SBF2: variants seen among roughly 807,000 people sequenced by gnomAD.
SBF2 encodes the protein SET binding factor 2, also known as myotubularin-related protein 13.
Under a neutral mutation model 225.2 loss-of-function variants are expected in SBF2, and 112 were observed. That is an observed-to-expected ratio of 0.50 (90% CI 0.43 to 0.58). SBF2 has a LOEUF of 0.58. Among genes scored for constraint, SBF2 ranks in the 20% least tolerant of loss-of-function variants. The probability of loss-of-function intolerance (pLI) is 0.00; values close to 1 mark genes in which losing one functional copy is unlikely to be tolerated. For synonymous variants in SBF2, 763 were observed against 773.3 expected (o/e 0.99, Z 0.22); for missense variants, 1,996 against 2,206.2 (o/e 0.90, Z 1.91).
intron 6 of SBF2, among the ~76,000 whole-genome samples, chr11:10,005,787 G>T (rs1565122906): frequency 6.6e-6 from 1 of 152,096 alleles, no homozygotes; most frequent in African/African-American, 2.4e-5. Flanking sequence ...TTGGCTGGAG[G>T]TGTTTAACCC....
chr11:10,263,606 T>C (rs1252278305), intron 1 of SBF2, among the ~76,000 whole-genome samples: 1 of 152,150 alleles, frequency 6.6e-6, no homozygotes, highest in East Asian at 1.9e-4. Context: ...TAATTAAACA[T>C]TAGGTTCCTT....
At chr11:9,897,719 G>C (rs17355675) in intron 16 of SBF2, among the ~76,000 whole-genome samples, 31,256 of 152,110 alleles carry the variant, frequency 0.21, 4,127 homozygotes, top group Non-Finnish European at 0.3. Flanking sequence ...TTATAAGTTT[G>C]CATGAAATGA....
chr11:10,270,421 A>G (rs1333494818), intron 1 of SBF2, among the ~76,000 whole-genome samples: 1 of 150,452 alleles, frequency 6.6e-6, no homozygotes, highest in East Asian at 1.9e-4. Context: ...TCATAAGAAA[A>G]CACAGTTACT....
chr11:10,260,877 CA>C (rs575576701), intron 1 of SBF2, among the ~76,000 whole-genome samples: 333 of 80,526 alleles, frequency 4.1e-3, no homozygotes, highest in Admixed American at 0.017. Flanking sequence ...GACCCTGCCT[CA>C]AAAAAGAAAA....
At chr11:10,088,565 G>C (rs1308336168) in intron 2 of SBF2, among the ~76,000 whole-genome samples, 3 of 152,186 alleles carry the variant, frequency 2.0e-5, no homozygotes, top group Non-Finnish European at 4.4e-5. Flanking sequence ...TAGGGGAAGG[G>C]AAGCCAACAT....
chr11:10,130,058 T>C (rs2135091563), intron 2 of SBF2, among the ~76,000 whole-genome samples: 1 of 151,770 alleles, frequency 6.6e-6, no homozygotes, highest in South Asian at 2.1e-4. Context: ...AAACTTAAAA[T>C]AGTCTTAAAT....
At chr11:9,784,107 G>A (rs1451353205) in intron 38 of SBF2, among the ~76,000 whole-genome samples, 2 of 152,070 alleles carry the variant, frequency 1.3e-5, no homozygotes, top group East Asian at 3.8e-4. Flanking sequence ...CTATGCTCTG[G>A]GCTCAATTGT....
At chr11:10,279,106 TAAAA>T (rs58093618) in intron 1 of SBF2, among the ~76,000 whole-genome samples, 6 of 56,140 alleles carry the variant, frequency 1.1e-4, no homozygotes, top group Non-Finnish European at 1.9e-4. Context: ...GGTCTTGTAT[TAAAA>T]AAAAAAAAAA....
intron 2 of SBF2, among the ~76,000 whole-genome samples, chr11:10,068,295 C>A (rs980339920): frequency 1.3e-5 from 2 of 152,184 alleles, no homozygotes; most frequent in African/African-American, 4.8e-5. Flanking sequence ...TTTCCTGAAT[C>A]CTCATTTTGG....
chr11:10,106,486 G>A (rs574004579), intron 2 of SBF2, among the ~76,000 whole-genome samples: 11 of 152,072 alleles, frequency 7.2e-5, no homozygotes, highest in Admixed American at 3.9e-4. Flanking sequence ...AAAAATAGCC[G>A]GACGTGGTGG....
At chr11:10,180,239 C>T (rs1956681182) in intron 2 of SBF2, among the ~76,000 whole-genome samples, 1 of 152,010 alleles carries the variant, frequency 6.6e-6, no homozygotes, top group Non-Finnish European at 1.5e-5. Context: ...GGAGCTATTC[C>T]CTTTATCATT....
At position 9,781,515 on chromosome 11, in the gene SBF2, A is replaced by G. The variant is rs1362800169; in HGVS notation, c.5443T>C (p.Phe1815Leu). The G allele has an allele frequency of 6.2e-7, 1 of 1,614,198 alleles. No homozygotes were observed. Among genetic ancestry groups the G allele is most frequent in the African/African-American group, 1.3e-5 (1 of 75,056 alleles). ...AAGTAAGATCAACTTACATCAAAGA[A>G]AGCCTTGTCACTTGTGTGCTTTGGG... ...GAPKHTSDKA[F>L]FDLKTSKRVY... Residue 1815 changes from phenylalanine (F) to leucine (L), a missense_variant, in exon 39 of 40, where the codon TTC (phenylalanine) becomes CTC (leucine). Physicochemically the swap from Phe to Leu is conservative, Grantham distance 22. Transcript: ENST00000256190.
rs1590614117 is a variant in SBF2, at chr11:9,960,588, G to C, written c.1860+1369C>G. 4 of 152,068 alleles carry C rather than the reference G, an allele frequency of 2.6e-5. No homozygotes were observed. The South Asian group carries it at 8.3e-4, about 32-fold the overall frequency. The allele number at this position is 152,068 out of a possible 1,614,324, so 9.4% of individuals were successfully genotyped here. ...CGTGTTTCCATATATGTGTGCATTT[G>C]TTTCTGGGCTTTCTATTTTATTCTG... On this transcript the variant is annotated intron_variant, in intron 16 of 39. Transcript: ENST00000256190.
intron 26 of SBF2, among the ~76,000 whole-genome samples, chr11:9,834,886 C>T (rs1445462946): frequency 6.6e-6 from 1 of 152,162 alleles, no homozygotes; most frequent in South Asian, 2.1e-4. Flanking sequence ...AGTGAGCCAT[C>T]TCCTTCCACT....
chr11:9,835,672 T>C (rs1022978041), intron 26 of SBF2, among the ~76,000 whole-genome samples: 6 of 139,670 alleles, frequency 4.3e-5, no homozygotes, highest in African/African-American at 1.6e-4. Context: ...TGACTAACAA[T>C]GTGGATGAAT....
At chr11:10,146,316 A>G (rs181253510) in intron 2 of SBF2, among the ~76,000 whole-genome samples, 3 of 152,334 alleles carry the variant, frequency 2.0e-5, no homozygotes, top group Admixed American at 2.0e-4. Context: ...ACCCGATTTC[A>G]AACTATACTA....
intron 1 of SBF2, among the ~76,000 whole-genome samples, chr11:10,221,702 T>C (rs1236446299): frequency 6.6e-6 from 1 of 151,988 alleles, no homozygotes; most frequent in Non-Finnish European, 1.5e-5. Flanking sequence ...TATATATAAA[T>C]AGGTATATAC....
intron 17 of SBF2, among the ~76,000 whole-genome samples, chr11:9,893,663 A>G (rs1861013671): frequency 6.6e-6 from 1 of 152,054 alleles, no homozygotes; most frequent in South Asian, 2.1e-4. Flanking sequence ...CGGCCATCCT[A>G]GTGGGGGGCT....
chr11:10,221,031 T>A (rs1591244998), intron 1 of SBF2, among the ~76,000 whole-genome samples: 1 of 152,124 alleles, frequency 6.6e-6, no homozygotes. Context: ...TTCTTCATAG[T>A]ATCCTGTTTA....
Sources: allele counts gnomAD v4.1 joint callset (sites outside exome capture counted in the v4.1 genomes callset), GRCh38; gene constraint gnomAD v4.1.1; transcripts MANE v1.5; gene names NCBI Gene and HGNC (gene_info 2026-07-23, HGNC 2026-07-21).